RNF215: variants seen among roughly 807,000 people sequenced by gnomAD.
RNF215 encodes ring finger protein 215.
In RNF215, 41 loss-of-function variants were observed where a neutral mutation model predicts 44.8. The observed-to-expected ratio is 0.92, with a 90% CI of 0.71 to 1.19. RNF215 has a LOEUF of 1.19. Among genes scored for constraint, RNF215 ranks in the 50% most tolerant of loss-of-function variants. The probability of loss-of-function intolerance (pLI) is 0.00; values close to 1 mark genes in which losing one functional copy is unlikely to be tolerated. For missense variants in RNF215, 452 were observed against 496.2 expected, an observed-to-expected ratio of 0.91 and a Z score of 0.85; for synonymous variants, 218 against 230.1, an observed-to-expected ratio of 0.95 and a Z score of 0.48.
chr22:30,386,835 C>A, intron 1 of RNF215, 76 bp from the exon 2 acceptor site: 2 of 1,535,106 alleles, frequency 1.3e-6, no homozygotes, highest in Non-Finnish European at 1.7e-6. Flanking sequence ...ACAGTGGATG[C>A]CAAGGCCAGA....
At position 30,378,882 on chromosome 22, in the gene RNF215, A is replaced by C. The variant is rs1325579423; in HGVS notation, c.*718T>G. 1 of 146,820 alleles carries C rather than the reference A, an allele frequency of 6.8e-6. No individual in the cohort carries two copies. Among genetic ancestry groups the C allele is most frequent in the African/African-American group, 2.5e-5 (1 of 40,326 alleles). The allele number at this position is 146,820 out of a possible 1,614,324, so 9.1% of individuals were successfully genotyped here. The stretch of plus-strand genomic sequence containing the variant: ...AACCTTCCCTACTCCAACTCTTTAA[A>C]AAAAAAAAAAAAAAAAAAAAAGGAT... On this transcript the variant is annotated 3_prime_UTR_variant, in exon 9 of 9. Transcript: ENST00000382363.
At chr22:30,383,591 G>A (rs953541713) in intron 5 of RNF215, among the ~76,000 whole-genome samples, 11 of 152,182 alleles carry the variant, frequency 7.2e-5, no homozygotes, top group African/African-American at 2.7e-4. Context: ...AGGAGACCGG[G>A]ACGTGACTGC....
At chr22:30,386,204 T>G (rs1933598040) in intron 2 of RNF215, 63 bp from the exon 3 acceptor site, 1 of 1,463,494 alleles carries the variant, frequency 6.8e-7, no homozygotes, top group African/African-American at 1.4e-5. Flanking sequence ...TCTCACCACC[T>G]GCAGCCCTAG....
intron 2 of RNF215, 88 bp from the exon 3 acceptor site, chr22:30,386,229 T>C: frequency 7.7e-7 from 1 of 1,299,140 alleles, no homozygotes; most frequent in Non-Finnish European, 1.1e-6. Flanking sequence ...TCTTAGCTCC[T>C]GGCCCTGCAG....
At chr22:30,386,905 C>T in intron 1 of RNF215, 124 bp downstream of exon 1, 1 of 1,477,324 alleles carries the variant, frequency 6.8e-7, no homozygotes, top group Non-Finnish European at 9.0e-7. Flanking sequence ...CCTGGGGAGC[C>T]TGGGGAGGGG....
chr22:30,381,547 C>A (rs1933529873), intron 5 of RNF215, among the ~76,000 whole-genome samples: 1 of 152,206 alleles, frequency 6.6e-6, no homozygotes, highest in Non-Finnish European at 1.5e-5. Context: ...TGCGCCTCTG[C>A]ACAGGGTCTG....
In RNF215 at chr22:30,380,248, G is replaced by GA; in HGVS notation, c.864+33dup. On this transcript the variant is annotated intron_variant, in intron 6 of 8. Coordinates refer to ENST00000382363, the MANE Select transcript of RNF215 (RefSeq NM_001017981.2). The surrounding 1 kb of genome is among the most constrained non-coding windows in gnomAD (Gnocchi z 5.3). ...GCACAGTCTTGCAGGTCCAAGGGCT[G>GA]AGGGTGCTGGGGCTCCCTGGGGCTG... 1 of 1,611,250 alleles carries GA rather than the reference G, an allele frequency of 6.2e-7. No individual in the cohort carries two copies. Among genetic ancestry groups the GA allele is most frequent in the Non-Finnish European group, 8.5e-7 (1 of 1,178,210 alleles).
intron 1 of RNF215, 58 bp from the exon 2 acceptor site, chr22:30,386,817 G>A: frequency 6.4e-7 from 1 of 1,561,968 alleles, no homozygotes; most frequent in Non-Finnish European, 8.6e-7. Context: ...GAGGGAGCCG[G>A]GGTCATCACA....
chr22:30,386,864 T>A, intron 1 of RNF215, 105 bp from the exon 2 acceptor site: 1 of 1,494,896 alleles, frequency 6.7e-7, no homozygotes, highest in Non-Finnish European at 8.9e-7. Flanking sequence ...AGCATCTGGC[T>A]CTCTGGTTTG....
rs746978626 is a variant in RNF215 at position 30,380,270 on chromosome 22, G to A, written c.864+12C>T. 6.2e-7 allele frequency: 1 copy of A among 1,610,856 alleles called. No homozygotes were observed. Among genetic ancestry groups the A allele is most frequent in the Admixed American group, 1.7e-5 (1 of 59,866 alleles). ...GCTGAGGGTGCTGGGGCTCCCTGGG[G>A]CTGGCTCCCACCTGGCCTCCGAGCT... On this transcript the variant is annotated intron_variant, in intron 6 of 8. Transcript: ENST00000382363. This position sits in a 1 kb window ranked among gnomAD's most constrained non-coding sequence, Gnocchi z 5.3.
In RNF215 at chr22:30,379,626, C is replaced by G; in HGVS notation, c.1112-4G>C. 1 of 1,551,520 alleles carries G rather than the reference C, an allele frequency of 6.4e-7. No individual in the cohort carries two copies. Among genetic ancestry groups the G allele is most frequent in the Non-Finnish European group, 8.7e-7 (1 of 1,147,076 alleles). On this transcript the variant is annotated splice_polypyrimidine_tract_variant and splice_region_variant and intron_variant, in intron 8 of 8. Transcript: ENST00000382363. The stretch of plus-strand genomic sequence containing the variant: ...TAATCATCGGAGTAGCGGTTCCCTG[C>G]AGGGGAGGGGAAGAAGAACAGGGAG...
intron 5 of RNF215, among the ~76,000 whole-genome samples, chr22:30,383,347 C>T (rs1933553929): frequency 2.0e-5 from 3 of 152,182 alleles, no homozygotes; most frequent in Admixed American, 2.0e-4. Context: ...AGCCCCACCC[C>T]AAGCCTCTCA....
chr22:30,387,054 G>C lies in RNF215; in HGVS notation c.260C>G (p.Pro87Arg), dbSNP rs769500552. The C allele has an allele frequency of 4.3e-5, 67 of 1,544,124 alleles. No individual in the cohort carries two copies. In the African/African-American group the frequency reaches 8.6e-4, roughly 20 times the overall value. Residue 87 changes from proline (P) to arginine (R), a missense_variant, in exon 1 of 9, where the codon CCC becomes CGC. By Grantham distance (103) the Pro-to-Arg change is moderately radical. Coordinates refer to ENST00000382363, the MANE Select transcript of RNF215 (RefSeq NM_001017981.2). The stretch of plus-strand genomic sequence containing the variant: ...CAGCAGCAGACGACCGCCCAGCAGG[G>C]GCGCCGGGTCGGCTTCGGAGCCGAT... Reference protein sequence around the residue: ...VRIGSEADPAPLLGGRLLLMD... With the variant: ...VRIGSEADPARLLGGRLLLMD...
intron 1 of RNF215, 80 bp from the exon 2 acceptor site, chr22:30,386,839 G>A (rs1462128980): frequency 3.9e-6 from 6 of 1,530,996 alleles, no homozygotes; most frequent in Non-Finnish European, 4.4e-6. Flanking sequence ...TGGATGCCAA[G>A]GCCAGAGTTC....
At chr22:30,379,678 A>G in intron 8 of RNF215, 33 bp downstream of exon 8, 1 of 1,552,390 alleles carries the variant, frequency 6.4e-7, no homozygotes, top group Non-Finnish European at 8.7e-7. Context: ...GAGCAGGCAG[A>G]GTAGGCCGAG....
rs1019200240 is a variant in RNF215, at chr22:30,379,269, C to T, written c.*331G>A. 2.0e-5 allele frequency: 7 copies of T among 357,224 alleles called. No homozygotes were observed. The highest frequency in any genetic ancestry group is 5.6e-5 in the East Asian group (1 of 17,792). 22.1% of individuals were successfully genotyped at this position (357,224 alleles called of 1,614,324 possible). On this transcript the variant is annotated 3_prime_UTR_variant, in exon 9 of 9. Transcript: ENST00000382363. The stretch of plus-strand genomic sequence containing the variant: ...CCACAGGGAGCTCCCAGAACCCTGG[C>T]GACAGCTACACTGGCCCCATATTCT...
At chr22:30,383,332 C>CACTCA (rs1197540950) in intron 5 of RNF215, among the ~76,000 whole-genome samples, 1 of 152,166 alleles carries the variant, frequency 6.6e-6, no homozygotes, top group East Asian at 1.9e-4. Context: ...CTGCAGACTG[C>CACTCA]GCTCAGCCCC....
At chr22:30,386,945 G>A in intron 1 of RNF215, 84 bp downstream of exon 1, 3 of 1,501,602 alleles carry the variant, frequency 2.0e-6, no homozygotes, top group Non-Finnish European at 1.8e-6. Context: ...GGTGGAGGAT[G>A]AACGTCGGTT....
chr22:30,383,222 T>C (rs5753111), intron 5 of RNF215, among the ~76,000 whole-genome samples: 123,433 of 152,026 alleles, frequency 0.81, 50,803 homozygotes, highest in African/African-American at 0.93. Flanking sequence ...GACACTTTAG[T>C]GGCCATGGCC....
Sources: allele counts gnomAD v4.1 joint callset (sites outside exome capture counted in the v4.1 genomes callset), GRCh38; gene constraint gnomAD v4.1.1; non-coding constraint Gnocchi (gnomAD v3.1); transcripts MANE v1.5; gene names NCBI Gene and HGNC (gene_info 2026-07-23, HGNC 2026-07-21).